The following OCIAD2 variants were observed in gnomAD, a reference collection of about 807,000 sequenced individuals.
OCIAD2 encodes OCIA domain-containing protein 2.
OCIAD2 carries 29 observed loss-of-function variants against 22.9 expected under a neutral mutation model. That is an observed-to-expected ratio of 1.27 (90% confidence interval 0.94 to 1.73). OCIAD2 has a LOEUF of 1.73. OCIAD2 is among the 40% of genes most tolerant of loss of function. The pLI is 0.00. For missense variants in OCIAD2, 189 were observed against 180.3 expected (o/e 1.05, Z -0.28); for synonymous variants, 67 against 60.2 (o/e 1.11, Z -0.52).
intron 6 of OCIAD2, among the ~76,000 whole-genome samples, chr4:48,887,455 G>A (rs1271378822): frequency 6.6e-6 from 1 of 152,248 alleles, no homozygotes; most frequent in East Asian, 1.9e-4. Context: ...TTCTTCTAGG[G>A]TTCATATGGT....
Position 48,901,533 on chromosome 4 carries a change from T to C in OCIAD2, c.67-1608A>G, listed in dbSNP as rs1162930814. ...GGAATTATCCAGTTTTCTAAGCTGA[T>C]AGGTATAAAGTAACATTTATTATCC... On this transcript the variant is annotated intron_variant, in intron 2 of 6. Coordinates refer to ENST00000508632, the MANE Select transcript of OCIAD2 (RefSeq NM_001014446.3). Among the ~76,000 whole-genome samples, 17 of 149,920 alleles carry C rather than the reference T, an allele frequency of 1.1e-4. No homozygotes were observed. In the East Asian group the frequency reaches 3.1e-3, roughly 28 times the overall value.
At chr4:48,894,994 G>A (rs1431894901) in intron 4 of OCIAD2, among the ~76,000 whole-genome samples, 1 of 152,218 alleles carries the variant, frequency 6.6e-6, no homozygotes, top group East Asian at 1.9e-4. Flanking sequence ...TCATCCTTCA[G>A]TGTGGAAGAG....
At chr4:48,904,771 C>T (rs1346719704) in intron 1 of OCIAD2, 160 bp from the exon 2 acceptor site, 1 of 597,636 alleles carries the variant, frequency 1.7e-6, no homozygotes, top group African/African-American at 1.9e-5. Flanking sequence ...TCCACCAGCA[C>T]ACATACATGC....
At chr4:48,906,330 T>TG (rs1213100875) in intron 1 of OCIAD2, among the ~76,000 whole-genome samples, 1 of 151,930 alleles carries the variant, frequency 6.6e-6, no homozygotes, top group Non-Finnish European at 1.5e-5. Context: ...CGCCCCAGCA[T>TG]GGGGGGCGGG....
At chr4:48,902,877 C>T (rs1310857045) in intron 2 of OCIAD2, among the ~76,000 whole-genome samples, 2 of 152,052 alleles carry the variant, frequency 1.3e-5, no homozygotes, top group Non-Finnish European at 2.9e-5. Flanking sequence ...TGCTTGAACC[C>T]AGGAGGTGGA....
chr4:48,901,486 A>G (rs1399451004), intron 2 of OCIAD2, among the ~76,000 whole-genome samples: 1 of 152,200 alleles, frequency 6.6e-6, no homozygotes, highest in Admixed American at 6.5e-5. Flanking sequence ...AAGCAAGTTA[A>G]AGAAAGAATT....
At chr4:48,889,499 T>A (rs1009837166) in intron 6 of OCIAD2, among the ~76,000 whole-genome samples, 1 of 152,082 alleles carries the variant, frequency 6.6e-6, no homozygotes, top group Admixed American at 6.6e-5. Context: ...AACAGACACA[T>A]GAAAAAGGCT....
chr4:48,894,087 A>G, intron 4 of OCIAD2, 34 bp from the exon 5 acceptor site: 1 of 1,081,706 alleles, frequency 9.2e-7, no homozygotes, highest in Non-Finnish European at 1.3e-6. Context: ...TTATTATTTC[A>G]TTTCATAAAT....
intron 3 of OCIAD2, among the ~76,000 whole-genome samples, chr4:48,898,153 A>G (rs1317652547): frequency 6.6e-6 from 1 of 152,150 alleles, no homozygotes; most frequent in Non-Finnish European, 1.5e-5. Flanking sequence ...CACTACATAT[A>G]ATAAAGGCAT....
intron 6 of OCIAD2, 78 bp from the exon 7 acceptor site, chr4:48,885,643 T>C: frequency 1.3e-6 from 1 of 779,246 alleles, no homozygotes; most frequent in Non-Finnish European, 2.2e-6. Flanking sequence ...ATATTATTCT[T>C]ATTATTTTAA....
chr4:48,901,375 G>T lies in OCIAD2; in HGVS notation c.67-1450C>A, dbSNP rs188907059. On this transcript the variant is annotated intron_variant, in intron 2 of 6. Transcript: ENST00000508632. ...CACTGTGACAGAGTCTTGCTAGACC[G>T]CTCTCAATTGTTGCAGTCTCCACTC... 3.9e-4 allele frequency among the ~76,000 whole-genome samples: 59 copies of T among 152,158 alleles called. 1 individual carries two copies. The East Asian group carries it at 9.9e-3, about 25-fold the overall frequency.
chr4:48,904,181 G>A (rs1781477485), intron 2 of OCIAD2, among the ~76,000 whole-genome samples: 1 of 152,040 alleles, frequency 6.6e-6, no homozygotes, highest in Non-Finnish European at 1.5e-5. Context: ...ACCAGGCATG[G>A]TGGCTCACGC....
At chr4:48,893,796 T>C in intron 5 of OCIAD2, 1 of 302,342 alleles carries the variant, frequency 3.3e-6, no homozygotes, top group Non-Finnish European at 6.0e-6. Context: ...GGCTGGACAT[T>C]CGTATCTCCA....
In OCIAD2 at chr4:48,892,874, C is replaced by A. The variant is rs772998961; in HGVS notation, c.281G>T (p.Gly94Val). 1.3e-6 allele frequency: 2 copies of A among 1,593,484 alleles called. No homozygotes were observed. Among genetic ancestry groups the A allele is most frequent in the East Asian group, 2.2e-5 (1 of 44,678 alleles). Residue 94 changes from glycine (G) to valine (V), a missense_variant, in exon 6 of 7, where the codon GGA (glycine) becomes GTA (valine). Coordinates refer to ENST00000508632, the MANE Select transcript of OCIAD2 (RefSeq NM_001014446.3). ...GTATGATACCTTTCCAAGGCCAAAT[C>A]CCAAGAGACCAGCAACTGTAAAAGC... Reference protein sequence around the residue: ...LPKVALAGLLGFGLGKVSYIG... With the variant: ...LPKVALAGLLVFGLGKVSYIG...
At chr4:48,892,054 T>C (rs1013142060) in intron 6 of OCIAD2, among the ~76,000 whole-genome samples, 4 of 152,200 alleles carry the variant, frequency 2.6e-5, no homozygotes, top group African/African-American at 9.7e-5. Context: ...TCCAGTTTGT[T>C]TTCACCATAT....
At chr4:48,886,500 C>T (rs1235419645) in intron 6 of OCIAD2, among the ~76,000 whole-genome samples, 1 of 132,120 alleles carries the variant, frequency 7.6e-6, no homozygotes, top group Non-Finnish European at 1.6e-5. Flanking sequence ...CTCCCCCCAC[C>T]CTACAACAGG....
chr4:48,890,203 T>C (rs1175373029), intron 6 of OCIAD2, among the ~76,000 whole-genome samples: 2 of 151,806 alleles, frequency 1.3e-5, no homozygotes, highest in East Asian at 1.9e-4. Flanking sequence ...CATGCATACA[T>C]ATGTAACAAA....
Position 48,892,799 on chromosome 4 carries a change from C to T in OCIAD2, c.356G>A (p.Gly119Glu). ...GTTATGCTGTGGACCAAAACCAGCC[C>T]CACGGAGCTGATCTTCAAAAAAATG... Reference protein sequence around the residue: ...KFHFFEDQLRGAGFGPQHNRH... With the variant: ...KFHFFEDQLREAGFGPQHNRH... Residue 119 changes from glycine (G) to glutamate (E), a missense_variant, in exon 6 of 7, where the codon GGG (glycine) becomes GAG (glutamate). Gly to Glu is a moderately conservative substitution (Grantham distance 98). Transcript: ENST00000508632. 1 of 1,609,148 alleles carries T rather than the reference C, an allele frequency of 6.2e-7. No individual in the cohort carries two copies. Among genetic ancestry groups the T allele is most frequent in the Non-Finnish European group, 8.5e-7 (1 of 1,176,334 alleles).
intron 3 of OCIAD2, among the ~76,000 whole-genome samples, chr4:48,899,131 T>C (rs1470434897): frequency 6.6e-6 from 1 of 152,192 alleles, no homozygotes; most frequent in Non-Finnish European, 1.5e-5. Flanking sequence ...GAAATCAAAA[T>C]GAGTATTTCA....
Sources: allele counts gnomAD v4.1 joint callset (sites outside exome capture counted in the v4.1 genomes callset), GRCh38; gene constraint gnomAD v4.1.1; transcripts MANE v1.5; gene names NCBI Gene and HGNC (gene_info 2026-07-23, HGNC 2026-07-21).